Variants in BLTP3A observed in about 807,000 individuals in gnomAD.
The protein encoded by BLTP3A is bridge-like lipid transfer protein family member 3A.
At chr6:34,861,254 T>A in the BLTP3A span, among the ~76,000 whole-genome samples, 1 of 152,010 alleles carries the variant, frequency 6.6e-6, no homozygotes, top group Admixed American at 6.6e-5. Context: ...GCCTCCTGAG[T>A]AGCTGGGACC....
the BLTP3A span, among the ~76,000 whole-genome samples, chr6:34,795,294 T>A: frequency 6.6e-6 from 1 of 151,722 alleles, no homozygotes; most frequent in Non-Finnish European, 1.5e-5. Flanking sequence ...TTGCCCATGC[T>A]GGTCTTGAAC....
the BLTP3A span, among the ~76,000 whole-genome samples, chr6:34,831,919 A>G: frequency 6.6e-6 from 1 of 151,948 alleles, no homozygotes. Context: ...GGTTCAAGCA[A>G]TTCTCCTGCC....
At chr6:34,792,420 GC>G in the BLTP3A span, 1 of 987,522 alleles carries the variant, frequency 1.0e-6, no homozygotes, top group Non-Finnish European at 1.4e-6. Context: ...CTCCGTGGCA[GC>G]CCCTGCCTAA....
the BLTP3A span, chr6:34,876,384 T>G: frequency 6.6e-6 from 1 of 152,248 alleles, no homozygotes; most frequent in African/African-American, 2.4e-5. Flanking sequence ...TGCTTCCATT[T>G]AACTCACTTA....
chr6:34,867,708 C>A, the BLTP3A span: 1 of 1,451,652 alleles, frequency 6.9e-7, no homozygotes. Flanking sequence ...CTAAGGGCAG[C>A]CACTCTACTA....
the BLTP3A span, among the ~76,000 whole-genome samples, chr6:34,841,945 T>C: frequency 6.6e-6 from 1 of 152,204 alleles, no homozygotes; most frequent in Non-Finnish European, 1.5e-5. Flanking sequence ...CTTATTTCTC[T>C]TTTTTAAGGG....
At chr6:34,853,021 G>A in the BLTP3A span, among the ~76,000 whole-genome samples, 1 of 152,162 alleles carries the variant, frequency 6.6e-6, no homozygotes, top group Non-Finnish European at 1.5e-5. Context: ...TGTGCCATGA[G>A]GCCACTGCCA....
At chr6:34,867,455 T>C in the BLTP3A span, 2 of 1,613,730 alleles carry the variant, frequency 1.2e-6, no homozygotes, top group African/African-American at 2.7e-5. Context: ...TAAGAGAATC[T>C]CCTTTGATAG....
the BLTP3A span, among the ~76,000 whole-genome samples, chr6:34,832,089 A>G: frequency 6.6e-6 from 1 of 150,694 alleles, no homozygotes; most frequent in South Asian, 2.1e-4. Flanking sequence ...CTGGGATTAC[A>G]GGCATGAGCC....
At chr6:34,856,526 A>G in the BLTP3A span, 2 of 1,352,964 alleles carry the variant, frequency 1.5e-6, no homozygotes, top group Non-Finnish European at 2.0e-6. Flanking sequence ...TAATGGAGAG[A>G]CATCAGTGAC....
chr6:34,797,104 C>T, the BLTP3A span, among the ~76,000 whole-genome samples: 8 of 152,166 alleles, frequency 5.3e-5, no homozygotes, highest in African/African-American at 1.9e-4. Flanking sequence ...ATTATAGTGC[C>T]TGACATATAA....
At chr6:34,840,196 A>G in the BLTP3A span, among the ~76,000 whole-genome samples, 1 of 152,164 alleles carries the variant, frequency 6.6e-6, no homozygotes, top group African/African-American at 2.4e-5. Flanking sequence ...AGTGTAAACC[A>G]CCTCAATAAT....
the BLTP3A span, among the ~76,000 whole-genome samples, chr6:34,833,959 A>C: frequency 6.7e-6 from 1 of 149,772 alleles, no homozygotes; most frequent in Admixed American, 6.6e-5. Flanking sequence ...TACTGCAGCC[A>C]AGCACAGTGG....
chr6:34,857,028 T>C, the BLTP3A span: 1 of 1,426,884 alleles, frequency 7.0e-7, no homozygotes, highest in East Asian at 2.4e-5. Context: ...GGGGACTATT[T>C]ACCTCACTTC....
the BLTP3A span, among the ~76,000 whole-genome samples, chr6:34,844,668 C>T: frequency 6.6e-6 from 1 of 152,150 alleles, no homozygotes. Flanking sequence ...TCTTTTGATA[C>T]ATGTCTATTC....
chr6:34,850,915 C>T, the BLTP3A span, among the ~76,000 whole-genome samples: 1 of 152,104 alleles, frequency 6.6e-6, no homozygotes, highest in East Asian at 1.9e-4. Flanking sequence ...TCAGGGTGGT[C>T]TTGAACTTCT....
At chr6:34,856,291 C>G in the BLTP3A span, 1 of 1,614,098 alleles carries the variant, frequency 6.2e-7, no homozygotes, top group Non-Finnish European at 8.5e-7. Context: ...AGACCCGAGG[C>G]CAGTGGGCCC....
At chr6:34,834,620 T>G in the BLTP3A span, 2 of 1,458,774 alleles carry the variant, frequency 1.4e-6, no homozygotes, top group East Asian at 2.3e-5. Flanking sequence ...CAACTGAGAG[T>G]GCTGGGAGTC....
the BLTP3A span, among the ~76,000 whole-genome samples, chr6:34,798,594 C>CTTTCTTTTTTTT: frequency 4.2e-5 from 4 of 94,498 alleles, no homozygotes; most frequent in Admixed American, 1.1e-4. Flanking sequence ...TTCTTTCTTT[C>CTTTCTTTTTTTT]TTTTTTTTTT....
Sources: gnomAD v4.1 joint callset for allele counts (sites outside exome capture counted in the v4.1 genomes callset) on GRCh38, gnomAD v4.1.1 for gene constraint, MANE v1.5 for transcripts, NCBI Gene and HGNC (gene_info 2026-07-23, HGNC 2026-07-21) for gene names.